FGF12: variants seen among roughly 807,000 people sequenced by gnomAD.
The protein encoded by FGF12 is fibroblast growth factor 12B.
FGF12 carries 14 observed loss-of-function variants against 23.6 expected under a neutral mutation model. That is an observed-to-expected ratio of 0.59 (90% confidence interval 0.39 to 0.93). The LOEUF (loss-of-function observed/expected upper bound fraction) is 0.93, where lower values mean the gene tolerates loss of function less well. FGF12 is among the 40% of genes least tolerant of loss of function. The pLI is 0.00. For synonymous variants in FGF12, 62 were observed against 77.3 expected (o/e 0.80, Z 1.04); for missense variants, 175 against 217.8 (o/e 0.80, Z 1.24).
At chr3:192,294,604 T>C (rs1172351537) in intron 4 of FGF12, among the ~76,000 whole-genome samples, 1 of 152,244 alleles carries the variant, frequency 6.6e-6, no homozygotes, top group Non-Finnish European at 1.5e-5. Flanking sequence ...ATTTCTACTC[T>C]TACAAATAAA....
At chr3:192,704,243 T>A (rs1045646128) in intron 2 of FGF12, among the ~76,000 whole-genome samples, 3 of 152,196 alleles carry the variant, frequency 2.0e-5, no homozygotes, top group African/African-American at 7.2e-5. Context: ...AATTACTCTT[T>A]GATCCATAGC....
intron 2 of FGF12, among the ~76,000 whole-genome samples, chr3:192,430,238 T>C (rs1721820890): frequency 6.6e-6 from 1 of 152,068 alleles, no homozygotes; most frequent in South Asian, 2.1e-4. Flanking sequence ...CTTGAGGGCA[T>C]TATGCCACAT....
chr3:192,668,572 G>C (rs529661655), intron 2 of FGF12, among the ~76,000 whole-genome samples: 10 of 152,236 alleles, frequency 6.6e-5, no homozygotes, highest in Middle Eastern at 6.8e-3. Context: ...TTTTCTGCTG[G>C]TACACAGGGT....
intron 2 of FGF12, among the ~76,000 whole-genome samples, chr3:192,659,096 TC>T (rs1716556019): frequency 6.6e-6 from 1 of 152,168 alleles, no homozygotes; most frequent in South Asian, 2.1e-4. Flanking sequence ...ATGCTAGATT[TC>T]CACGGATAGG....
In FGF12 at chr3:192,528,928, C is replaced by T. The variant is rs535605212; in HGVS notation, c.14-168390G>A. Among the ~76,000 whole-genome samples, 27 of 152,268 alleles carry T rather than the reference C, an allele frequency of 1.8e-4. No homozygotes were observed. The Middle Eastern group carries it at 0.01, about 58-fold the overall frequency. The stretch of plus-strand genomic sequence containing the variant: ...ACCCTGGGCCCCACTCACAAAACCA[C>T]GTTTTCCTCCTAGTCCTCTAGGCCT... On this transcript the variant is annotated intron_variant, in intron 2 of 5. Coordinates refer to ENST00000445105, the MANE Select transcript of FGF12 (RefSeq NM_004113.6).
At chr3:192,603,670 G>A (rs1714212879) in intron 2 of FGF12, among the ~76,000 whole-genome samples, 1 of 152,108 alleles carries the variant, frequency 6.6e-6, no homozygotes, top group South Asian at 2.1e-4. Context: ...TTTCAAAAGG[G>A]GAGGGGGTGT....
At chr3:192,470,948 C>G (rs774589279) in intron 2 of FGF12, among the ~76,000 whole-genome samples, 32 of 152,166 alleles carry the variant, frequency 2.1e-4, no homozygotes, top group Non-Finnish European at 3.4e-4. Context: ...AATGGCACTT[C>G]CCCAGACATC....
intron 4 of FGF12, among the ~76,000 whole-genome samples, chr3:192,224,888 A>C (rs943135865): frequency 1.3e-5 from 2 of 152,104 alleles, no homozygotes; most frequent in Non-Finnish European, 2.9e-5. Context: ...TTAAAAGTCC[A>C]GTATGTAAAT....
At chr3:192,420,469 G>T (rs1445682942) in intron 2 of FGF12, among the ~76,000 whole-genome samples, 1 of 152,174 alleles carries the variant, frequency 6.6e-6, no homozygotes, top group African/African-American at 2.4e-5. Context: ...GACCTGGTGG[G>T]AGGTGTTTGG....
intron 2 of FGF12, among the ~76,000 whole-genome samples, chr3:192,483,273 A>C (rs1031976954): frequency 3.9e-5 from 6 of 152,170 alleles, no homozygotes; most frequent in African/African-American, 1.4e-4. Flanking sequence ...CCTAAAGCCC[A>C]GTTCAAATGC....
chr3:192,236,144 A>G (rs1330212759), intron 4 of FGF12, among the ~76,000 whole-genome samples: 1 of 152,140 alleles, frequency 6.6e-6, no homozygotes, highest in Non-Finnish European at 1.5e-5. Context: ...CAGGTTGTTT[A>G]ATTTCCATGT....
In FGF12 at chr3:192,661,104, A is replaced by T. The variant is rs78826867; in HGVS notation, c.13+66077T>A. ...TAGGGATGATGATAAGTGATGAGAT[A>T]AAAAGACAATTTATGGCAATATAGT... is the stretch of plus-strand genomic sequence containing the variant. On this transcript the variant is annotated intron_variant, in intron 2 of 5. Transcript: ENST00000445105. Among the ~76,000 whole-genome samples the T allele has an allele frequency of 8.8e-3, 1,335 of 152,338 alleles. 10 individuals carry two copies. The highest frequency in any genetic ancestry group is 0.037 in the South Asian group (180 of 4,826).
chr3:192,282,964 G>A (rs1360047341), intron 4 of FGF12: 1 of 152,076 alleles, frequency 6.6e-6, no homozygotes, highest in African/African-American at 2.4e-5. Context: ...TGGATGCCTT[G>A]TACTGTTGAA....
chr3:192,144,635 A>G (rs1409792770), intron 5 of FGF12, among the ~76,000 whole-genome samples: 1 of 152,238 alleles, frequency 6.6e-6, no homozygotes, highest in East Asian at 1.9e-4. Flanking sequence ...AAGATGAAGC[A>G]ATTTCCCCGA....
chr3:192,242,146 T>C (rs1719646883), intron 4 of FGF12, among the ~76,000 whole-genome samples: 2 of 152,134 alleles, frequency 1.3e-5, no homozygotes, highest in Admixed American at 6.6e-5. Flanking sequence ...AGGAAGAATA[T>C]TGCAATGATT....
intron 4 of FGF12, among the ~76,000 whole-genome samples, chr3:192,251,901 G>A (rs1013507927): frequency 6.6e-6 from 1 of 152,122 alleles, no homozygotes; most frequent in Non-Finnish European, 1.5e-5. Flanking sequence ...CAAATATCTG[G>A]ATAGTGGTTA....
chr3:192,307,379 A>G (rs929345140), intron 4 of FGF12, among the ~76,000 whole-genome samples: 1 of 152,226 alleles, frequency 6.6e-6, no homozygotes, highest in Non-Finnish European at 1.5e-5. Flanking sequence ...AAGTTCTAAT[A>G]TCAGAGATAG....
intron 4 of FGF12, among the ~76,000 whole-genome samples, chr3:192,317,208 A>G (rs1402817460): frequency 6.6e-6 from 1 of 151,794 alleles, no homozygotes; most frequent in Non-Finnish European, 1.5e-5. Context: ...GAGAGGAAAG[A>G]GTAAGGGGGG....
intron 2 of FGF12, among the ~76,000 whole-genome samples, chr3:192,582,044 G>A (rs1050801619): frequency 3.9e-5 from 6 of 152,192 alleles, no homozygotes; most frequent in African/African-American, 1.4e-4. Context: ...CACTAAAGTA[G>A]AGTCTTTCCA....
Sources: gnomAD v4.1 joint callset for allele counts (sites outside exome capture counted in the v4.1 genomes callset) on GRCh38, gnomAD v4.1.1 for gene constraint, MANE v1.5 for transcripts, NCBI Gene and HGNC (gene_info 2026-07-23, HGNC 2026-07-21) for gene names.